ADRA1B: variants seen among roughly 807,000 people sequenced by gnomAD.
ADRA1B encodes alpha-1B adrenergic receptor.
ADRA1B carries 17 observed loss-of-function variants against 17.9 expected under a neutral mutation model. The ratio of observed to expected loss-of-function variants is 0.95; its 90% CI spans 0.65 to 1.42. The LOEUF (loss-of-function observed/expected upper bound fraction) is 1.42, where lower values mean the gene tolerates loss of function less well. ADRA1B is among the 40% of genes most tolerant of loss of function. The pLI, the probability that ADRA1B is intolerant of heterozygous loss-of-function variation, is 0.00. For synonymous variants in ADRA1B, 366 were observed against 327.6 expected, an observed-to-expected ratio of 1.12 and a Z score of -1.27; for missense variants, 681 against 722.1, an observed-to-expected ratio of 0.94 and a Z score of 0.65.
chr5:159,909,464 T>C (rs1328706857), intron 1 of ADRA1B, among the ~76,000 whole-genome samples: 2 of 152,036 alleles, frequency 1.3e-5, no homozygotes, highest in African/African-American at 2.4e-5. Context: ...TAGCTACAAG[T>C]GAAAATCCCC....
intron 1 of ADRA1B, among the ~76,000 whole-genome samples, chr5:159,968,548 T>G (rs988989382): frequency 1.3e-5 from 2 of 152,290 alleles, no homozygotes; most frequent in South Asian, 2.1e-4. Context: ...GGTCTCGAAC[T>G]CCTGGTCTCA....
downstream of ADRA1B, among the ~76,000 whole-genome samples, chr5:159,975,971 A>G (rs75909090): frequency 8.8e-3 from 1,346 of 152,354 alleles, 21 homozygotes; most frequent in South Asian, 0.029. Context: ...GGCAAGTGGA[A>G]TACTAGTTAA....
chr5:159,924,555 A>G (rs1403126657), intron 1 of ADRA1B, among the ~76,000 whole-genome samples: 1 of 152,086 alleles, frequency 6.6e-6, no homozygotes, highest in East Asian at 1.9e-4. Context: ...TCTGGGGCAG[A>G]GGGGCAGGGA....
At chr5:159,944,685 A>G (rs1755221222) in intron 1 of ADRA1B, among the ~76,000 whole-genome samples, 1 of 151,920 alleles carries the variant, frequency 6.6e-6, no homozygotes, top group Non-Finnish European at 1.5e-5. Context: ...TACCTCCTTC[A>G]ATCTTTACAA....
At chr5:159,903,019 C>T (rs546826909) in intron 1 of ADRA1B, among the ~76,000 whole-genome samples, 13 of 152,254 alleles carry the variant, frequency 8.5e-5, no homozygotes, top group Non-Finnish European at 1.5e-4. Context: ...GCATCCCCCG[C>T]GGTTACCTAG....
chr5:159,932,785 A>T (rs921217358), intron 1 of ADRA1B, among the ~76,000 whole-genome samples: 2 of 152,190 alleles, frequency 1.3e-5, no homozygotes, highest in African/African-American at 4.8e-5. Flanking sequence ...TTTTCACTGG[A>T]CAATGTATCT....
intron 1 of ADRA1B, among the ~76,000 whole-genome samples, chr5:159,953,696 G>A (rs141762641): frequency 3.2e-4 from 48 of 152,292 alleles, no homozygotes; most frequent in African/African-American, 1.0e-3. Context: ...AGGCTTGTGA[G>A]GACTGAATAA....
At chr5:159,883,764 C>A (rs1294806001) in intron 1 of ADRA1B, among the ~76,000 whole-genome samples, 2 of 152,218 alleles carry the variant, frequency 1.3e-5, no homozygotes, top group Non-Finnish European at 2.9e-5. Flanking sequence ...ACATCTTACT[C>A]AATGAACCAT....
chr5:159,975,553 G>A (rs906178458), downstream of ADRA1B, among the ~76,000 whole-genome samples: 2 of 152,188 alleles, frequency 1.3e-5, no homozygotes, highest in African/African-American at 4.8e-5. Context: ...AGGCACCAAA[G>A]GCATTTCCTG....
chr5:159,910,174 C>T (rs1561587551), intron 1 of ADRA1B, among the ~76,000 whole-genome samples: 2 of 152,122 alleles, frequency 1.3e-5, no homozygotes, highest in Non-Finnish European at 1.5e-5. Flanking sequence ...CGAGCCAGCT[C>T]CCAGCCTGAG....
chr5:159,892,838 G>A (rs1196496762), intron 1 of ADRA1B, among the ~76,000 whole-genome samples: 2 of 152,086 alleles, frequency 1.3e-5, no homozygotes, highest in African/African-American at 4.8e-5. Flanking sequence ...CTATTCCTTT[G>A]GGCAGATACC....
chr5:159,987,755 T>C, the ADRA1B span, among the ~76,000 whole-genome samples: 8 of 152,190 alleles, frequency 5.3e-5, no homozygotes, highest in Admixed American at 1.3e-4. Context: ...ATAAACAATG[T>C]AATATTTTTC....
At chr5:159,940,372 C>G (rs897039231) in intron 1 of ADRA1B, among the ~76,000 whole-genome samples, 3 of 152,242 alleles carry the variant, frequency 2.0e-5, no homozygotes, top group Admixed American at 6.5e-5. Context: ...CAGTATCCCC[C>G]CTCCAAGTGA....
chr5:159,931,318 C>T (rs1349637721), intron 1 of ADRA1B, among the ~76,000 whole-genome samples: 2 of 150,500 alleles, frequency 1.3e-5, no homozygotes, highest in African/African-American at 4.9e-5. Flanking sequence ...CCCTTGAGCC[C>T]AGGAGGTCAA....
chr5:159,900,751 C>T (rs998825686), intron 1 of ADRA1B, among the ~76,000 whole-genome samples: 12 of 152,204 alleles, frequency 7.9e-5, no homozygotes, highest in African/African-American at 2.9e-4. Flanking sequence ...GGGTGGGCAG[C>T]CCCCCAGCCA....
chr5:159,980,653 GAATC>G, the ADRA1B span, among the ~76,000 whole-genome samples: 3 of 152,086 alleles, frequency 2.0e-5, no homozygotes, highest in African/African-American at 4.8e-5. Context: ...CAGAATAATA[GAATC>G]TTCTTCACAA....
intron 1 of ADRA1B, among the ~76,000 whole-genome samples, chr5:159,945,650 TAGAA>T (rs1263058682): frequency 6.6e-6 from 1 of 152,046 alleles, no homozygotes; most frequent in African/African-American, 2.4e-5. Flanking sequence ...TAGGTCATGA[TAGAA>T]AGGTTAGCAT....
intron 1 of ADRA1B, among the ~76,000 whole-genome samples, chr5:159,918,287 G>C (rs188569428): frequency 2.6e-5 from 4 of 152,230 alleles, no homozygotes; most frequent in African/African-American, 9.6e-5. Context: ...GAGGCAGCTC[G>C]TACACAGAAA....
intron 1 of ADRA1B, among the ~76,000 whole-genome samples, chr5:159,874,128 T>A (rs1753778441): frequency 6.6e-6 from 1 of 152,106 alleles, no homozygotes. Context: ...CTGTAAAATA[T>A]TCCCTCTGAA....
Sources: allele counts gnomAD v4.1 joint callset (sites outside exome capture counted in the v4.1 genomes callset), GRCh38; gene constraint gnomAD v4.1.1; transcripts MANE v1.5; gene names NCBI Gene and HGNC (gene_info 2026-07-23, HGNC 2026-07-21).